CTNNA3: variants seen among roughly 807,000 people sequenced by gnomAD.
The protein encoded by CTNNA3 is catenin alpha 3.
In CTNNA3, 76 loss-of-function variants were observed where a neutral mutation model predicts 95.7. The ratio of observed to expected loss-of-function variants is 0.79; its 90% confidence interval spans 0.66 to 0.96. The LOEUF is 0.96. CTNNA3 is among the 40% of genes least tolerant of loss of function. CTNNA3 has a pLI of 0.00. For missense variants in CTNNA3, 1,191 were observed against 1,089.8 expected, an observed-to-expected ratio of 1.09 and a Z score of -1.31; for synonymous variants, 431 against 374.4, an observed-to-expected ratio of 1.15 and a Z score of -1.74.
At chr10:66,737,147 G>T (rs1849170693) in intron 9 of CTNNA3, among the ~76,000 whole-genome samples, 1 of 151,230 alleles carries the variant, frequency 6.6e-6, no homozygotes, top group Non-Finnish European at 1.5e-5. Context: ...ATTGGCCTGT[G>T]CATGTTTCAT....
intron 7 of CTNNA3, among the ~76,000 whole-genome samples, chr10:67,160,120 T>C (rs1283461034): frequency 6.6e-6 from 1 of 151,900 alleles, no homozygotes; most frequent in African/African-American, 2.4e-5. Context: ...TATGAAAAAA[T>C]GTGCAACATC....
chr10:67,139,753 A>G (rs1284549162), intron 7 of CTNNA3, among the ~76,000 whole-genome samples: 1 of 152,194 alleles, frequency 6.6e-6, no homozygotes, highest in Non-Finnish European at 1.5e-5. Flanking sequence ...ATAAATCCAT[A>G]GTTTAGTGAA....
intron 7 of CTNNA3, among the ~76,000 whole-genome samples, chr10:67,083,158 T>C (rs1055861668): frequency 1.9e-4 from 29 of 152,046 alleles, no homozygotes; most frequent in Middle Eastern, 3.2e-3. Context: ...TCCATAGGTC[T>C]ACCTAATTTG....
chr10:67,539,811 A>G, intron 3 of CTNNA3, 142 bp from the exon 4 acceptor site: 1 of 700,170 alleles, frequency 1.4e-6, no homozygotes, highest in Non-Finnish European at 2.3e-6. Flanking sequence ...TTCTCTCTCA[A>G]TAAACAATGC....
At chr10:67,130,683 T>C (rs1859952278) in intron 7 of CTNNA3, among the ~76,000 whole-genome samples, 2 of 152,240 alleles carry the variant, frequency 1.3e-5, no homozygotes, top group Admixed American at 1.3e-4. Context: ...CATTTTAGCA[T>C]AGTTATGTTG....
At chr10:66,708,356 G>T (rs1042408429) in intron 9 of CTNNA3, among the ~76,000 whole-genome samples, 1 of 151,994 alleles carries the variant, frequency 6.6e-6, no homozygotes, top group Non-Finnish European at 1.5e-5. Context: ...TCTTGTCTTT[G>T]CTTGCGGGTG....
chr10:66,633,005 A>T lies in CTNNA3; in HGVS notation c.1282-11221T>A, dbSNP rs571146655. Among the ~76,000 whole-genome samples, 8 of 152,246 alleles carry T rather than the reference A, an allele frequency of 5.3e-5. No homozygotes were observed. The South Asian group carries it at 1.7e-3, about 32-fold the overall frequency. ...AGCAAGAAAATCACGGTTTTTGCTCATCAGATCAGAAATATGTAAAAAGTT... is the reference window on the plus strand; with the variant it reads ...AGCAAGAAAATCACGGTTTTTGCTCTTCAGATCAGAAATATGTAAAAAGTT... On this transcript the variant is annotated intron_variant, in intron 9 of 17. Transcript: ENST00000433211.
At chr10:67,127,114 C>T (rs753567433) in intron 7 of CTNNA3, among the ~76,000 whole-genome samples, 3 of 152,092 alleles carry the variant, frequency 2.0e-5, no homozygotes, top group Non-Finnish European at 4.4e-5. Flanking sequence ...TATTTTCCCG[C>T]TTTATTTTGA....
intron 12 of CTNNA3, among the ~76,000 whole-genome samples, chr10:66,370,473 T>C (rs745771565): frequency 2.6e-5 from 4 of 152,204 alleles, no homozygotes; most frequent in Non-Finnish European, 5.9e-5. Flanking sequence ...TAATTATCTT[T>C]CAAAGATACT....
At chr10:66,239,954 A>G (rs1045496965) in intron 13 of CTNNA3, among the ~76,000 whole-genome samples, 2 of 151,988 alleles carry the variant, frequency 1.3e-5, no homozygotes, top group South Asian at 2.1e-4. Flanking sequence ...TATCTATACC[A>G]TATAGATGGA....
chr10:67,267,391 G>A (rs1866873703), intron 5 of CTNNA3, among the ~76,000 whole-genome samples: 1 of 152,164 alleles, frequency 6.6e-6, no homozygotes, highest in African/African-American at 2.4e-5. Flanking sequence ...TTGAGATGGA[G>A]TCTCGCTCTG....
At chr10:67,274,496 C>T (rs1271031741) in intron 5 of CTNNA3, among the ~76,000 whole-genome samples, 3 of 152,044 alleles carry the variant, frequency 2.0e-5, no homozygotes, top group African/African-American at 7.2e-5. Context: ...TTTACAATCG[C>T]CATGAGAGAT....
intron 3 of CTNNA3, among the ~76,000 whole-genome samples, chr10:67,551,175 T>TG (rs1162418595): frequency 4.1e-4 from 62 of 151,690 alleles, no homozygotes; most frequent in Admixed American, 2.0e-3. Context: ...CGGCTGCACG[T>TG]GGAGAGAAAC....
chr10:67,473,619 T>A (rs1223048949), intron 5 of CTNNA3, among the ~76,000 whole-genome samples: 1 of 152,182 alleles, frequency 6.6e-6, no homozygotes, highest in Admixed American at 6.6e-5. Context: ...GTAAATACAG[T>A]GGGCCCTACA....
rs1384316237 is a variant in CTNNA3 at position 66,324,268 on chromosome 10, TGAG to T, written c.1733-43650_1733-43648del. 2.6e-5 allele frequency among the ~76,000 whole-genome samples: 4 copies of T among 151,996 alleles called. 1 individual carries two copies. The highest frequency in any genetic ancestry group is 5.9e-5 in the Non-Finnish European group (4 of 67,946). ...CCAGGAGGCGGAGATTCCAGTGAAC[TGAG>T]ATCATGCTACTGTACTCCATCCTGA... On this transcript the variant is annotated intron_variant, in intron 12 of 17. Transcript: ENST00000433211.
chr10:65,921,146 T>G (rs1448207157), intron 17 of CTNNA3, among the ~76,000 whole-genome samples: 1 of 152,224 alleles, frequency 6.6e-6, no homozygotes, highest in African/African-American at 2.4e-5. Flanking sequence ...ATTGGACCAA[T>G]TCTACAAATG....
chr10:67,175,265 T>G (rs1189716821), intron 7 of CTNNA3, among the ~76,000 whole-genome samples: 1 of 152,114 alleles, frequency 6.6e-6, no homozygotes, highest in Non-Finnish European at 1.5e-5. Context: ...TCCTCCCAAC[T>G]GTTTTACCAT....
In CTNNA3 at chr10:66,927,075, G is replaced by T; in HGVS notation, c.1048-151551C>A. On this transcript the variant is annotated intron_variant, in intron 7 of 17. Transcript: ENST00000433211. The surrounding 1 kb of genome is among the most constrained non-coding windows in gnomAD (Gnocchi z 4.7). The stretch of plus-strand genomic sequence containing the variant: ...TATATTGTGAATCTCAGAAATTACA[G>T]GAGATACCCTCAAGTATATCTGCTG... 1 of 1,614,176 alleles carries T rather than the reference G, an allele frequency of 6.2e-7. No homozygotes were observed. Among genetic ancestry groups the T allele is most frequent in the African/African-American group, 1.3e-5 (1 of 75,056 alleles).
intron 7 of CTNNA3, among the ~76,000 whole-genome samples, chr10:67,035,190 G>C (rs1853971893): frequency 1.3e-5 from 2 of 152,160 alleles, no homozygotes; most frequent in Admixed American, 1.3e-4. Flanking sequence ...TGAATATATA[G>C]ATATGTATAG....
Sources: allele counts gnomAD v4.1 joint callset (sites outside exome capture counted in the v4.1 genomes callset), GRCh38; gene constraint gnomAD v4.1.1; non-coding constraint Gnocchi (gnomAD v3.1); transcripts MANE v1.5; gene names NCBI Gene and HGNC (gene_info 2026-07-23, HGNC 2026-07-21).